The following NEGR1 variants were observed in gnomAD, a reference collection of about 807,000 sequenced individuals.
The protein encoded by NEGR1 is neuronal growth regulator 1.
A neutral mutation model predicts 40.9 loss-of-function variants in NEGR1; 10 were observed. The ratio of observed to expected loss-of-function variants is 0.24; its 90% CI spans 0.15 to 0.42. The LOEUF (loss-of-function observed/expected upper bound fraction) is 0.42. Ranked by LOEUF, NEGR1 falls within the 10% of genes least tolerant of loss-of-function variation. The pLI is 1.00. For missense variants in NEGR1, 352 were observed against 438.9 expected (o/e 0.80, Z 1.77); for synonymous variants, 185 against 166.8 (o/e 1.11, Z -0.84).
In NEGR1 at chr1:72,022,033, G is replaced by A. The variant is rs1017094530; in HGVS notation, c.177-86722C>T. On this transcript the variant is annotated intron_variant, in intron 1 of 6. Coordinates refer to ENST00000357731, the MANE Select transcript of NEGR1 (RefSeq NM_173808.3). ...GCCTGTAGTCCCAGCTACTTGGGAG[G>A]CTGAGGCAGGAGAATGGCGTGAACC... 3.9e-5 allele frequency among the ~76,000 whole-genome samples: 6 copies of A among 151,954 alleles called. No individual in the cohort carries two copies. The South Asian group carries it at 8.3e-4, about 21-fold the overall frequency.
At chr1:72,248,602 A>ATTT (rs1250707501) in intron 1 of NEGR1, among the ~76,000 whole-genome samples, 1 of 145,366 alleles carries the variant, frequency 6.9e-6, no homozygotes, top group East Asian at 2.0e-4. Context: ...TATTATTATT[A>ATTT]TTATTATTAT....
chr1:72,209,546 A>C (rs1020699018), intron 1 of NEGR1, among the ~76,000 whole-genome samples: 2 of 151,836 alleles, frequency 1.3e-5, no homozygotes, highest in African/African-American at 2.4e-5. Context: ...CATTCAGTGA[A>C]GATTCCCTTG....
chr1:71,929,195 G>T (rs1322216588), intron 2 of NEGR1, among the ~76,000 whole-genome samples: 1 of 151,928 alleles, frequency 6.6e-6, no homozygotes, highest in Non-Finnish European at 1.5e-5. Context: ...ACAATTTTGG[G>T]ACACCTACTC....
At chr1:72,119,514 G>T (rs75977774) in intron 1 of NEGR1, among the ~76,000 whole-genome samples, 1 of 151,928 alleles carries the variant, frequency 6.6e-6, no homozygotes, top group South Asian at 2.1e-4. Flanking sequence ...GTAGAAGAAA[G>T]CCACATTACT....
At position 71,732,106 on chromosome 1, in the gene NEGR1, G is replaced by T. The variant is rs902082667; in HGVS notation, c.536-33967C>A. Reference sequence around the variant, plus strand: ...ACCGAGGCAGTGGATCTCTTGAGTCGAGACCAGCCTGGGCAACATGGTGAA... The same window carrying T: ...ACCGAGGCAGTGGATCTCTTGAGTCTAGACCAGCCTGGGCAACATGGTGAA... On this transcript the variant is annotated intron_variant, in intron 3 of 6. Coordinates refer to ENST00000357731, the MANE Select transcript of NEGR1 (RefSeq NM_173808.3). 3.9e-5 allele frequency among the ~76,000 whole-genome samples: 6 copies of T among 151,992 alleles called. No individual in the cohort carries two copies. In the South Asian group the frequency reaches 6.2e-4, roughly 16 times the overall value.
chr1:71,721,899 G>C (rs1654522865), intron 3 of NEGR1, among the ~76,000 whole-genome samples: 1 of 152,080 alleles, frequency 6.6e-6, no homozygotes, highest in African/African-American at 2.4e-5. Flanking sequence ...TCTTGGCAAA[G>C]AGAACAGTTA....
At chr1:72,279,389 A>G (rs761735086) in intron 1 of NEGR1, among the ~76,000 whole-genome samples, 2 of 152,182 alleles carry the variant, frequency 1.3e-5, no homozygotes, top group African/African-American at 2.4e-5. Flanking sequence ...TTTGCACTTT[A>G]TGGCCTTTAG....
intron 1 of NEGR1, among the ~76,000 whole-genome samples, chr1:72,077,681 C>T (rs190898892): frequency 1.2e-4 from 18 of 151,684 alleles, no homozygotes; most frequent in South Asian, 8.4e-4. Flanking sequence ...GGTGCAGTGG[C>T]GCATGCCTGT....
intron 3 of NEGR1, among the ~76,000 whole-genome samples, chr1:71,720,062 A>G (rs1474194659): frequency 6.6e-6 from 1 of 152,212 alleles, no homozygotes; most frequent in Non-Finnish European, 1.5e-5. Flanking sequence ...CTGTTAGACT[A>G]TTAGGTACTA....
At chr1:72,068,676 T>C (rs1486078) in intron 1 of NEGR1, among the ~76,000 whole-genome samples, 62,406 of 151,946 alleles carry the variant, frequency 0.41, 13,555 homozygotes, top group Non-Finnish European at 0.49. Context: ...TTGAAGTAAA[T>C]AGAATGTTAT....
chr1:72,102,410 G>C (rs1648982053), intron 1 of NEGR1, among the ~76,000 whole-genome samples: 1 of 151,834 alleles, frequency 6.6e-6, no homozygotes, highest in Non-Finnish European at 1.5e-5. Context: ...AAATACTGTA[G>C]TTTTGCTATT....
At chr1:72,123,347 A>G (rs1649877132) in intron 1 of NEGR1, among the ~76,000 whole-genome samples, 1 of 151,870 alleles carries the variant, frequency 6.6e-6, no homozygotes, top group African/African-American at 2.4e-5. Context: ...ACATGTAGAA[A>G]GAAAAAAAAA....
intron 1 of NEGR1, among the ~76,000 whole-genome samples, chr1:72,267,358 A>C (rs1234446833): frequency 4.0e-5 from 6 of 151,200 alleles, no homozygotes; most frequent in Admixed American, 1.3e-4. Context: ...CTTATATAGG[A>C]GAAGAAAGGT....
intron 2 of NEGR1, among the ~76,000 whole-genome samples, chr1:71,901,766 G>A (rs2101864044): frequency 6.7e-6 from 1 of 150,372 alleles, no homozygotes; most frequent in East Asian, 2.0e-4. Flanking sequence ...TGCCTCCCGG[G>A]TTCAAGCGAT....
intron 6 of NEGR1, among the ~76,000 whole-genome samples, chr1:71,533,500 C>T (rs561374638): frequency 2.9e-4 from 44 of 151,732 alleles, no homozygotes; most frequent in African/African-American, 1.1e-3. Flanking sequence ...CACACATGCA[C>T]ATATCCCTAT....
At chr1:71,867,675 A>G (rs1557682376) in intron 2 of NEGR1, among the ~76,000 whole-genome samples, 1 of 152,144 alleles carries the variant, frequency 6.6e-6, no homozygotes, top group Non-Finnish European at 1.5e-5. Flanking sequence ...TTAAAATTTG[A>G]CCAATATCAG....
intron 1 of NEGR1, among the ~76,000 whole-genome samples, chr1:72,080,503 T>A (rs1396311542): frequency 6.6e-6 from 1 of 152,104 alleles, no homozygotes; most frequent in East Asian, 1.9e-4. Context: ...TTGATAAGAA[T>A]TTCATATTTA....
In NEGR1 at chr1:71,763,884, C is replaced by G. The variant is rs199984084; in HGVS notation, c.535+12288G>C. 6.6e-5 allele frequency among the ~76,000 whole-genome samples: 10 copies of G among 152,050 alleles called. No individual in the cohort carries two copies. In the East Asian group the frequency reaches 1.9e-3, roughly 29 times the overall value. The stretch of plus-strand genomic sequence containing the variant: ...TCCATCCCAATTTTAATATCTAGTT[C>G]CTAGAAGCCATGTAGGAATCAAAGA... On this transcript the variant is annotated intron_variant, in intron 3 of 6. Transcript: ENST00000357731.
intron 4 of NEGR1, among the ~76,000 whole-genome samples, chr1:71,653,669 T>A (rs1001270245): frequency 3.9e-5 from 6 of 152,224 alleles, no homozygotes; most frequent in Non-Finnish European, 5.9e-5. Context: ...CATCTTTGTA[T>A]GCCATGCATG....
Sources: gnomAD v4.1 joint callset for allele counts (sites outside exome capture counted in the v4.1 genomes callset) on GRCh38, gnomAD v4.1.1 for gene constraint, MANE v1.5 for transcripts, NCBI Gene and HGNC (gene_info 2026-07-23, HGNC 2026-07-21) for gene names.